Variants in PPP2R1B observed in about 807,000 individuals in gnomAD.
PPP2R1B encodes protein phosphatase 2 scaffold subunit Abeta.
Under a neutral mutation model 72.7 loss-of-function variants are expected in PPP2R1B, and 58 were observed. That is an observed-to-expected ratio of 0.80 (90% CI 0.65 to 0.99). PPP2R1B has a LOEUF of 0.99. Ranked by LOEUF, PPP2R1B falls within the 50% of genes least tolerant of loss-of-function variation. The pLI is 0.00. For missense variants in PPP2R1B, 695 were observed against 733.6 expected (o/e 0.95, Z 0.61); for synonymous variants, 256 against 264.6 (o/e 0.97, Z 0.32).
chr11:111,741,877 G>C (rs1944532225), intron 14 of PPP2R1B, 176 bp downstream of exon 14: 2 of 750,232 alleles, frequency 2.7e-6, no homozygotes, highest in Admixed American at 2.2e-5. Context: ...TCACTTATGA[G>C]AAAATGGTGG....
At chr11:111,706,652 C>T in the PPP2R1B span, among the ~76,000 whole-genome samples, 2 of 152,000 alleles carry the variant, frequency 1.3e-5, no homozygotes, top group Non-Finnish European at 2.9e-5. Context: ...TTTTGTTATA[C>T]GTACTTTATA....
chr11:111,757,635 A>G (rs1241729893), intron 5 of PPP2R1B, among the ~76,000 whole-genome samples: 14 of 152,076 alleles, frequency 9.2e-5, no homozygotes, highest in Non-Finnish European at 1.8e-4. Context: ...GGAGTTCGAG[A>G]CCAGCCTACC....
At chr11:111,720,000 G>A in the PPP2R1B span, 1 of 1,612,894 alleles carries the variant, frequency 6.2e-7, no homozygotes, top group Middle Eastern at 1.7e-4. Flanking sequence ...GATGCCTGGG[G>A]CAGGTACGGT....
downstream of PPP2R1B, chr11:111,737,462 C>T: frequency 6.2e-7 from 1 of 1,614,252 alleles, no homozygotes; most frequent in Non-Finnish European, 8.5e-7. Flanking sequence ...CCCATGTCCT[C>T]TCCAGGCACT....
chr11:111,755,585 T>C, intron 5 of PPP2R1B, 135 bp from the exon 6 acceptor site: 1 of 723,734 alleles, frequency 1.4e-6, no homozygotes, highest in Non-Finnish European at 2.0e-6. Context: ...TCTTGACATC[T>C]TTTTCTTTTT....
At chr11:111,751,250 C>T (rs1555047829) in intron 10 of PPP2R1B, among the ~76,000 whole-genome samples, 1 of 152,140 alleles carries the variant, frequency 6.6e-6, no homozygotes, top group East Asian at 1.9e-4. Flanking sequence ...AGGGAAGTTT[C>T]CTTGAGCAAA....
chr11:111,719,541 A>G, the PPP2R1B span, among the ~76,000 whole-genome samples: 1 of 152,156 alleles, frequency 6.6e-6, no homozygotes, highest in African/African-American at 2.4e-5. Context: ...ACTCAGAGAA[A>G]CCTGGGCAGC....
intron 10 of PPP2R1B, among the ~76,000 whole-genome samples, chr11:111,751,821 T>C (rs1275387255): frequency 6.6e-6 from 1 of 152,020 alleles, no homozygotes; most frequent in Non-Finnish European, 1.5e-5. Context: ...CTATTAAAAA[T>C]ACAAAATTAG....
chr11:111,751,471 T>G (rs1329154813), intron 10 of PPP2R1B, among the ~76,000 whole-genome samples: 1 of 152,206 alleles, frequency 6.6e-6, no homozygotes, highest in East Asian at 1.9e-4. Flanking sequence ...AAATGTGAAA[T>G]GCTCCAAAAT....
intron 10 of PPP2R1B, among the ~76,000 whole-genome samples, chr11:111,748,597 AG>A: frequency 6.6e-6 from 1 of 152,192 alleles, no homozygotes; most frequent in Non-Finnish European, 1.5e-5. Context: ...GACTGTCAAC[AG>A]GTGGCCACTT....
chr11:111,726,263 C>T (rs1488281810), downstream of PPP2R1B: 1 of 152,222 alleles, frequency 6.6e-6, no homozygotes, highest in Non-Finnish European at 1.5e-5. Context: ...TACAGATCGA[C>T]ATAAACTCCT....
the PPP2R1B span, chr11:111,712,400 G>C: frequency 1.2e-6 from 2 of 1,600,740 alleles, no homozygotes; most frequent in South Asian, 1.1e-5. Flanking sequence ...GAGAGTCTCA[G>C]AACTGGCAGT....
At chr11:111,721,693 C>T in the PPP2R1B span, 3 of 586,244 alleles carry the variant, frequency 5.1e-6, no homozygotes, top group Non-Finnish European at 5.9e-6. Flanking sequence ...CCTACTGGCT[C>T]TGTAAAAGCT....
At chr11:111,717,204 T>C in the PPP2R1B span, among the ~76,000 whole-genome samples, 5 of 150,824 alleles carry the variant, frequency 3.3e-5, no homozygotes, top group Admixed American at 3.3e-4. Context: ...TAGTCCCAGC[T>C]ACTCGGGAGG....
the PPP2R1B span, among the ~76,000 whole-genome samples, chr11:111,694,158 A>G: frequency 6.6e-6 from 1 of 152,336 alleles, no homozygotes; most frequent in African/African-American, 2.4e-5. Flanking sequence ...TATTATTTGT[A>G]TTCAATGTAT....
chr11:111,716,544 T>C, the PPP2R1B span, among the ~76,000 whole-genome samples: 1 of 151,994 alleles, frequency 6.6e-6, no homozygotes, highest in Non-Finnish European at 1.5e-5. Context: ...ACCACTGCGC[T>C]CCAGCCTGGG....
rs782053950 is a variant in PPP2R1B, at chr11:111,766,244, G to GT, written c.114+3dup. The GT allele has an allele frequency of 1.2e-6, 2 of 1,613,742 alleles. No homozygotes were observed. Among genetic ancestry groups the GT allele is most frequent in the South Asian group, 2.2e-5 (2 of 91,074 alleles). ...GCCTCGGGTCCCCGGCCTCAGTCCA[G>GT]TACCTGCACGTCTTCATTGCGGAGC... is the stretch of plus-strand genomic sequence containing the variant. On this transcript the variant is annotated splice_donor_region_variant and intron_variant, in intron 1 of 14. Transcript: ENST00000527614.
intron 5 of PPP2R1B, among the ~76,000 whole-genome samples, chr11:111,755,899 G>C (rs1945096545): frequency 6.6e-6 from 1 of 151,706 alleles, no homozygotes; most frequent in Non-Finnish European, 1.5e-5. Context: ...GCCTGGCCGT[G>C]TATTTATATC....
At chr11:111,697,822 C>G in the PPP2R1B span, among the ~76,000 whole-genome samples, 3 of 151,966 alleles carry the variant, frequency 2.0e-5, no homozygotes, top group Non-Finnish European at 4.4e-5. Flanking sequence ...GAGACCTTGT[C>G]TCTACCCAAA....
Sources: gnomAD v4.1 joint callset for allele counts (sites outside exome capture counted in the v4.1 genomes callset) on GRCh38, gnomAD v4.1.1 for gene constraint, MANE v1.5 for transcripts, NCBI Gene and HGNC (gene_info 2026-07-23, HGNC 2026-07-21) for gene names.